The following COLEC10 variants were observed in gnomAD, a reference collection of about 807,000 sequenced individuals.
COLEC10 encodes the protein collectin subfamily member 10.
In COLEC10, 22 loss-of-function variants were observed where a neutral mutation model predicts 28.4. That is an observed-to-expected ratio of 0.78 (90% confidence interval 0.55 to 1.11). The LOEUF is 1.11. Ranked by LOEUF, COLEC10 falls within the 50% of genes least tolerant of loss-of-function variation. The probability of loss-of-function intolerance (pLI) is 0.00; values close to 1 mark genes in which losing one functional copy is unlikely to be tolerated. For synonymous variants in COLEC10, 125 were observed against 116.1 expected (o/e 1.08, Z -0.49); for missense variants, 361 against 344.1 (o/e 1.05, Z -0.39).
chr8:119,065,793 G>A (rs908724935), upstream of COLEC10, among the ~76,000 whole-genome samples: 5 of 151,190 alleles, frequency 3.3e-5, no homozygotes, highest in Admixed American at 1.3e-4. Context: ...GGGAGGCAGA[G>A]GTTGCAGTGA....
intron 3 of COLEC10, among the ~76,000 whole-genome samples, 192 bp downstream of exon 3, chr8:119,091,412 G>C (rs993848083): frequency 1.1e-4 from 16 of 151,726 alleles, no homozygotes; most frequent in Non-Finnish European, 2.4e-4. Context: ...TGAATTAGCT[G>C]GGCATGGTGG....
At chr8:118,976,744 CA>C in the COLEC10 span, 4 of 152,112 alleles carry the variant, frequency 2.6e-5, no homozygotes, top group East Asian at 5.8e-4. Context: ...CCAAAATTAA[CA>C]AATGGGATCT....
At position 119,091,698 on chromosome 8, in the gene COLEC10, TTTAAA is replaced by T. The variant is rs371134238; in HGVS notation, c.292+483_292+487del. On this transcript the variant is annotated intron_variant, in intron 3 of 5. Coordinates refer to ENST00000332843, the MANE Select transcript of COLEC10 (RefSeq NM_006438.5). ...CATGAAAATATCTCCTTTTCCTTCT[TTTAAA>T]TTAATAATTCTGTCTGTCTTCATAG... 4.8e-4 allele frequency among the ~76,000 whole-genome samples: 73 copies of T among 152,290 alleles called. No individual in the cohort carries two copies. In the Middle Eastern group the frequency reaches 0.01, roughly 21 times the overall value.
intron 5 of COLEC10, among the ~76,000 whole-genome samples, chr8:119,104,784 G>T (rs1033201049): frequency 3.9e-5 from 6 of 152,162 alleles, no homozygotes; most frequent in Non-Finnish European, 7.3e-5. Context: ...CTGTACTGAA[G>T]ATTCTGTCTC....
At chr8:119,011,112 C>G (rs1424611367) in intron 2 of COLEC10, among the ~76,000 whole-genome samples, 1 of 150,902 alleles carries the variant, frequency 6.6e-6, no homozygotes, top group Admixed American at 6.6e-5. Flanking sequence ...GTTTTATAGT[C>G]TACATTTTAC....
intron 1 of COLEC10, among the ~76,000 whole-genome samples, chr8:119,004,538 T>G (rs905544474): frequency 6.6e-6 from 1 of 151,196 alleles, no homozygotes; most frequent in Non-Finnish European, 1.5e-5. Context: ...TTCTCAATTC[T>G]TGATTGATAT....
chr8:118,998,549 A>G (rs1813632198), intron 1 of COLEC10, among the ~76,000 whole-genome samples: 1 of 152,072 alleles, frequency 6.6e-6, no homozygotes, highest in African/African-American at 2.4e-5. Flanking sequence ...GTAAAAATTT[A>G]AGAACTTGGC....
At chr8:119,047,640 A>G (rs2130168715) in intron 2 of COLEC10, among the ~76,000 whole-genome samples, 1 of 152,324 alleles carries the variant, frequency 6.6e-6, no homozygotes, top group South Asian at 2.1e-4. Context: ...ACTAACCTAT[A>G]TTTAATATGT....
In COLEC10 at chr8:119,013,546, C is replaced by T. The variant is rs72680401; in HGVS notation, n.235+3993C>T. 2.7e-4 allele frequency among the ~76,000 whole-genome samples: 40 copies of T among 150,910 alleles called. 1 individual carries two copies. The highest frequency in any genetic ancestry group is 4.7e-4 in the Non-Finnish European group (32 of 67,802). On this transcript the variant is annotated intron_variant and non_coding_transcript_variant, in intron 2 of 6. Coordinates refer to the COLEC10 transcript ENST00000521788. ...TATATCCTTACTGATTTTCTGCTTC[C>T]TTTATCTGTTCATTTCTGATAAGGT...
chr8:118,953,587 A>G, the COLEC10 span, among the ~76,000 whole-genome samples: 2 of 152,222 alleles, frequency 1.3e-5, no homozygotes, highest in Admixed American at 6.5e-5. Context: ...AGCCTCATCT[A>G]TAAGATAAAA....
intron 2 of COLEC10, among the ~76,000 whole-genome samples, chr8:119,043,735 T>C (rs1224227115): frequency 2.6e-5 from 4 of 152,240 alleles, no homozygotes; most frequent in African/African-American, 4.8e-5. Flanking sequence ...TATGAATACA[T>C]GCAGATTCAT....
chr8:119,039,266 GCA>G (rs1814450709), intron 2 of COLEC10, among the ~76,000 whole-genome samples: 1 of 152,080 alleles, frequency 6.6e-6, no homozygotes, highest in African/African-American at 2.4e-5. Flanking sequence ...TACTTACCCT[GCA>G]GTTTTCAATA....
At chr8:119,068,355 A>G (rs1815016127) in intron 1 of COLEC10, 1 of 152,326 alleles carries the variant, frequency 6.6e-6, no homozygotes, top group East Asian at 1.9e-4. Flanking sequence ...TAAGATTGCA[A>G]TCCAAGTTTT....
chr8:119,023,286 T>C (rs764712363), intron 2 of COLEC10, among the ~76,000 whole-genome samples: 1 of 152,184 alleles, frequency 6.6e-6, no homozygotes, highest in Non-Finnish European at 1.5e-5. Flanking sequence ...CCCCAATATA[T>C]AGTCCAAGAA....
intron 2 of COLEC10, among the ~76,000 whole-genome samples, chr8:119,026,383 A>C (rs1388307554): frequency 6.6e-6 from 1 of 152,072 alleles, no homozygotes; most frequent in Non-Finnish European, 1.5e-5. Flanking sequence ...GCAAGACCTC[A>C]TCTCCACTAA....
chr8:119,052,254 G>A (rs1814687286), intron 2 of COLEC10, among the ~76,000 whole-genome samples: 1 of 152,108 alleles, frequency 6.6e-6, no homozygotes, highest in Admixed American at 6.6e-5. Context: ...CAAAACACAT[G>A]CATTTTTTAT....
intron 1 of COLEC10, among the ~76,000 whole-genome samples, chr8:119,082,547 G>A (rs114501764): frequency 4.1e-4 from 63 of 152,260 alleles, no homozygotes; most frequent in African/African-American, 1.5e-3. Flanking sequence ...ACTATAAAGT[G>A]AGAGGGGATT....
At chr8:119,092,686 AC>A (rs1815631579) in intron 3 of COLEC10, among the ~76,000 whole-genome samples, 1 of 152,074 alleles carries the variant, frequency 6.6e-6, no homozygotes, top group Non-Finnish European at 1.5e-5. Context: ...TGGGTGGATC[AC>A]CTGAGGTCAG....
chr8:119,098,511 T>C (rs935802212), intron 3 of COLEC10, among the ~76,000 whole-genome samples: 3 of 152,030 alleles, frequency 2.0e-5, no homozygotes, highest in South Asian at 4.1e-4. Context: ...GACCTGAACT[T>C]CTTGGGAGAA....
Sources: allele counts gnomAD v4.1 joint callset (sites outside exome capture counted in the v4.1 genomes callset), GRCh38; gene constraint gnomAD v4.1.1; transcripts MANE v1.5; gene names NCBI Gene and HGNC (gene_info 2026-07-23, HGNC 2026-07-21).